The following HECW2 variants were observed in gnomAD, a reference collection of about 807,000 sequenced individuals.
HECW2 encodes the protein HECT, C2 and WW domain containing E3 ubiquitin protein ligase 2.
A neutral mutation model predicts 175.2 loss-of-function variants in HECW2; 61 were observed. That is an observed-to-expected ratio of 0.35 (90% CI 0.28 to 0.43). The LOEUF (loss-of-function observed/expected upper bound fraction) is 0.43, where lower values mean the gene tolerates loss of function less well. Ranked by LOEUF, HECW2 falls within the 20% of genes least tolerant of loss-of-function variation. HECW2 has a pLI of 1.00. For synonymous variants in HECW2, 671 were observed against 731.0 expected (o/e 0.92, Z 1.32); for missense variants, 1,524 against 2,000.5 (o/e 0.76, Z 4.54).
chr2:196,303,645 T>A (rs1184904221), intron 13 of HECW2, among the ~76,000 whole-genome samples: 1 of 152,236 alleles, frequency 6.6e-6, no homozygotes, highest in Admixed American at 6.5e-5. Flanking sequence ...GGAGGGTGTA[T>A]GTGTCCAGGA....
intron 28 of HECW2, among the ~76,000 whole-genome samples, chr2:196,202,471 G>GT (rs1265571813): frequency 6.6e-6 from 1 of 152,130 alleles, no homozygotes; most frequent in Non-Finnish European, 1.5e-5. Flanking sequence ...CTCTGAGCCC[G>GT]TATTTCTCAC....
chr2:196,422,394 T>C lies in HECW2; in HGVS notation c.292+10738A>G, dbSNP rs537144666. On this transcript the variant is annotated intron_variant, in intron 2 of 28. Coordinates refer to ENST00000644978, the MANE Select transcript of HECW2 (RefSeq NM_001348768.2). ...AATGTGTGGCTTTGGTGTCTAAGTA[T>C]TTAAGAGCTAGCATAAGAGTTTCCA... is the stretch of plus-strand genomic sequence containing the variant. Among the ~76,000 whole-genome samples, 9 of 152,280 alleles carry C rather than the reference T, an allele frequency of 5.9e-5. No individual in the cohort carries two copies. The South Asian group carries it at 1.7e-3, about 28-fold the overall frequency.
rs139434140 is a variant in HECW2 at position 196,488,629 on chromosome 2, TACAC to T, written c.-35-55175_-35-55172del. 1.4e-3 allele frequency among the ~76,000 whole-genome samples: 207 copies of T among 147,156 alleles called. 1 individual carries two copies. The highest frequency in any genetic ancestry group is 0.011 in the East Asian group (57 of 5,062). On this transcript the variant is annotated intron_variant, in intron 1 of 28. Transcript: ENST00000644978. ...TACTAATTTTATCATGAAGAATGAA[TACAC>T]ACACACACACACACACACACACCCC...
intron 21 of HECW2, among the ~76,000 whole-genome samples, chr2:196,237,659 A>G (rs927830294): frequency 4.6e-5 from 7 of 152,066 alleles, no homozygotes; most frequent in African/African-American, 1.7e-4. Context: ...ATTCTTCCCC[A>G]TTTATTTATG....
At chr2:196,495,128 C>T (rs1474735613) in intron 1 of HECW2, among the ~76,000 whole-genome samples, 1 of 150,862 alleles carries the variant, frequency 6.6e-6, no homozygotes, top group East Asian at 1.9e-4. Flanking sequence ...AGTGCAATGG[C>T]GTGATCTTGG....
intron 13 of HECW2, among the ~76,000 whole-genome samples, chr2:196,300,747 ATGTG>A (rs944226610): frequency 1.3e-5 from 2 of 152,184 alleles, no homozygotes; most frequent in African/African-American, 4.8e-5. Flanking sequence ...ACAGACATAT[ATGTG>A]TGTGTATAAA....
At chr2:196,325,491 G>A (rs530771751) in intron 5 of HECW2, among the ~76,000 whole-genome samples, 2 of 152,222 alleles carry the variant, frequency 1.3e-5, no homozygotes, top group African/African-American at 2.4e-5. Flanking sequence ...ACTTTTCCTG[G>A]GAACTCTTTT....
chr2:196,472,936 T>C (rs1697273621), intron 1 of HECW2, among the ~76,000 whole-genome samples: 1 of 152,218 alleles, frequency 6.6e-6, no homozygotes, highest in Non-Finnish European at 1.5e-5. Flanking sequence ...GTAACTTTTT[T>C]AAGGTGGTGG....
intron 1 of HECW2, among the ~76,000 whole-genome samples, chr2:196,434,093 CTTAT>C (rs1369583423): frequency 6.6e-6 from 1 of 152,128 alleles, no homozygotes; most frequent in African/African-American, 2.4e-5. Context: ...ATACAATTTA[CTTAT>C]TTATTTGGTT....
intron 1 of HECW2, among the ~76,000 whole-genome samples, chr2:196,451,676 GATCA>G (rs1473350155): frequency 6.6e-6 from 1 of 151,988 alleles, no homozygotes; most frequent in Non-Finnish European, 1.5e-5. Context: ...AAGGCAAGAG[GATCA>G]CTGAGGTCAA....
At chr2:196,486,984 A>G (rs917336092) in intron 1 of HECW2, among the ~76,000 whole-genome samples, 12 of 151,942 alleles carry the variant, frequency 7.9e-5, no homozygotes. Flanking sequence ...AAACTTTTTT[A>G]AAAATTAGCC....
intron 1 of HECW2, among the ~76,000 whole-genome samples, chr2:196,522,402 C>A (rs1181216133): frequency 6.6e-6 from 1 of 152,078 alleles, no homozygotes; most frequent in Non-Finnish European, 1.5e-5. Context: ...GAGTAGGTTG[C>A]GAAAACTTTC....
At chr2:196,502,943 C>A (rs1027512502) in intron 1 of HECW2, among the ~76,000 whole-genome samples, 1 of 152,316 alleles carries the variant, frequency 6.6e-6, no homozygotes, top group South Asian at 2.1e-4. Flanking sequence ...AATATGATCT[C>A]TTCTTCTACC....
rs1246643806 is a variant in HECW2, at chr2:196,413,899, G to A, written c.292+19233C>T. Reference sequence around the variant, plus strand: ...CTGGTGCTGGTCTCTATAGGAACGCGGAAGCTGTTCTTAGTGACAGATGAC... The same window carrying A: ...CTGGTGCTGGTCTCTATAGGAACGCAGAAGCTGTTCTTAGTGACAGATGAC... On this transcript the variant is annotated intron_variant, in intron 2 of 28. Transcript: ENST00000644978. Among the ~76,000 whole-genome samples the A allele has an allele frequency of 3.3e-5, 5 of 152,086 alleles. No homozygotes were observed. The East Asian group carries it at 5.8e-4, about 18-fold the overall frequency.
At chr2:196,546,594 G>T (rs946503474) in intron 1 of HECW2, among the ~76,000 whole-genome samples, 1 of 152,120 alleles carries the variant, frequency 6.6e-6, no homozygotes, top group Non-Finnish European at 1.5e-5. Context: ...CTGCAACCCT[G>T]GCTACAACTA....
chr2:196,378,708 C>T (rs1016297648), intron 2 of HECW2, among the ~76,000 whole-genome samples: 3 of 152,118 alleles, frequency 2.0e-5, no homozygotes, highest in African/African-American at 4.8e-5. Context: ...AGGAGAAGTG[C>T]TTTTTACATA....
intron 1 of HECW2, among the ~76,000 whole-genome samples, chr2:196,493,875 G>T (rs1468473046): frequency 2.0e-5 from 3 of 152,204 alleles, no homozygotes; most frequent in African/African-American, 7.2e-5. Context: ...TGACTATTCA[G>T]TGGTTACCTG....
intron 2 of HECW2, among the ~76,000 whole-genome samples, chr2:196,427,236 A>T (rs1695574516): frequency 6.6e-6 from 1 of 152,194 alleles, no homozygotes; most frequent in Non-Finnish European, 1.5e-5. Context: ...GATCAGTAAC[A>T]GTTTGCAGAC....
At chr2:196,334,248 T>C (rs1692469126) in intron 4 of HECW2, among the ~76,000 whole-genome samples, 176 bp downstream of exon 4, 1 of 152,162 alleles carries the variant, frequency 6.6e-6, no homozygotes, top group African/African-American at 2.4e-5. Context: ...TGATTCGAAT[T>C]AGGGATTCAG....
Sources: gnomAD v4.1 joint callset for allele counts (sites outside exome capture counted in the v4.1 genomes callset) on GRCh38, gnomAD v4.1.1 for gene constraint, MANE v1.5 for transcripts, NCBI Gene and HGNC (gene_info 2026-07-23, HGNC 2026-07-21) for gene names.